The following CEP128 variants were observed in gnomAD, a reference collection of about 807,000 sequenced individuals.
The protein encoded by CEP128 is centrosomal protein 128, also known as centrosomal protein 128kDa.
In CEP128, 132 loss-of-function variants were observed where a neutral mutation model predicts 156.7. The observed-to-expected ratio is 0.84, with a 90% CI of 0.73 to 0.97. The LOEUF (loss-of-function observed/expected upper bound fraction) is 0.97. Among genes scored for constraint, CEP128 ranks in the 50% least tolerant of loss-of-function variants. The probability of loss-of-function intolerance (pLI) is 0.00; values close to 1 mark genes in which losing one functional copy is unlikely to be tolerated. For synonymous variants in CEP128, 469 were observed against 448.9 expected, an observed-to-expected ratio of 1.04 and a Z score of -0.57; for missense variants, 1,252 against 1,281.9, an observed-to-expected ratio of 0.98 and a Z score of 0.36.
intron 24 of CEP128, among the ~76,000 whole-genome samples, chr14:80,503,119 A>T (rs555890191): frequency 1.3e-5 from 2 of 152,278 alleles, no homozygotes; most frequent in South Asian, 2.1e-4. Context: ...AAATAGTAAA[A>T]CAAGACTATG....
At chr14:80,844,351 T>TA in intron 9 of CEP128, among the ~76,000 whole-genome samples, 1 of 151,784 alleles carries the variant, frequency 6.6e-6, no homozygotes, top group Non-Finnish European at 1.5e-5. Flanking sequence ...ACTTAAAAAA[T>TA]AAAAAATAAA....
At chr14:80,943,392 G>A (rs1486442979), upstream of CEP128, among the ~76,000 whole-genome samples, 3 of 152,180 alleles carry the variant, frequency 2.0e-5, no homozygotes, top group Non-Finnish European at 4.4e-5. Flanking sequence ...TCAACTGCAG[G>A]AGAAATGTCT....
At chr14:80,549,104 A>G (rs1188189266) in intron 21 of CEP128, among the ~76,000 whole-genome samples, 3 of 152,198 alleles carry the variant, frequency 2.0e-5, no homozygotes, top group Non-Finnish European at 4.4e-5. Flanking sequence ...AACATAGAAT[A>G]CAGGCTGTGT....
chr14:80,580,900 GAAT>G lies in CEP128; in HGVS notation c.2807-480_2807-478del, dbSNP rs1157710000. ...TTTATAACCAAATTAAAACACCCTG[GAAT>G]AATAGGTGTTATTAACTGGAAGTGG... On this transcript the variant is annotated intron_variant, in intron 19 of 24. Coordinates refer to ENST00000555265, the MANE Select transcript of CEP128 (RefSeq NM_152446.5). Among the ~76,000 whole-genome samples, 3 of 152,044 alleles carry G rather than the reference GAAT, an allele frequency of 2.0e-5. No homozygotes were observed. The East Asian group carries it at 5.8e-4, about 29-fold the overall frequency.
At chr14:80,811,444 G>T (rs1039836292) in intron 13 of CEP128, among the ~76,000 whole-genome samples, 2 of 149,374 alleles carry the variant, frequency 1.3e-5, no homozygotes, top group Non-Finnish European at 2.9e-5. Context: ...CTTAGTTTTT[G>T]ATTTTTGTTT....
Position 80,836,289 on chromosome 14 carries a change from C to T in CEP128, c.973G>A (p.Gly325Ser), listed in dbSNP as rs758529083. ...QLTKAEGDRKGLQHQVSQISK... is the reference protein window; with the variant it reads ...QLTKAEGDRKSLQHQVSQISK... ...ATCTGAGATACTTGATGCTGTAAAC[C>T]CTTTCGATCACCTTCTGCTTTCGTA... Residue 325 changes from glycine to serine, a missense_variant, in exon 12 of 25, where the codon GGT (glycine) becomes AGT (serine). By Grantham distance (56) the Gly-to-Ser change is moderately conservative (BLOSUM62 0). Coordinates refer to ENST00000555265, the MANE Select transcript of CEP128 (RefSeq NM_152446.5). 6 of 1,613,816 alleles carry T rather than the reference C, an allele frequency of 3.7e-6. No homozygotes were observed. The African/African-American group carries it at 8.0e-5, about 22-fold the overall frequency.
At chr14:80,617,219 CTTTTTTTTTT>C (rs3069115) in intron 19 of CEP128, among the ~76,000 whole-genome samples, 12 of 60,226 alleles carry the variant, frequency 2.0e-4, no homozygotes, top group African/African-American at 3.2e-4. Flanking sequence ...TGAATATCAT[CTTTTTTTTTT>C]TTTTTTTTTT....
At chr14:80,689,233 G>A (rs1242875482) in intron 19 of CEP128, among the ~76,000 whole-genome samples, 1 of 149,080 alleles carries the variant, frequency 6.7e-6, no homozygotes, top group Non-Finnish European at 1.5e-5. Flanking sequence ...AGAGGTTGCA[G>A]GGAGCTGAGA....
chr14:80,642,225 G>C (rs1894445815), intron 19 of CEP128, among the ~76,000 whole-genome samples: 2 of 152,128 alleles, frequency 1.3e-5, no homozygotes, highest in African/African-American at 4.8e-5. Flanking sequence ...AAAGATGGAG[G>C]AGACACGTAG....
intron 19 of CEP128, among the ~76,000 whole-genome samples, chr14:80,643,637 G>A (rs540299775): frequency 1.3e-5 from 2 of 152,140 alleles, no homozygotes; most frequent in East Asian, 1.9e-4. Context: ...TTGAACCTGG[G>A]AAGCGAAGGT....
chr14:80,542,299 C>T (rs1161371667), intron 21 of CEP128, among the ~76,000 whole-genome samples: 1 of 152,104 alleles, frequency 6.6e-6, no homozygotes, highest in Admixed American at 6.5e-5. Context: ...GAATACATTT[C>T]AATTTTATTA....
chr14:80,538,144 A>G (rs1487906000), intron 21 of CEP128, among the ~76,000 whole-genome samples: 5 of 149,082 alleles, frequency 3.4e-5, no homozygotes, highest in Non-Finnish European at 6.0e-5. Flanking sequence ...CTTTTCAAAC[A>G]GCAGATTTTT....
At chr14:80,706,110 C>G (rs1043128696) in intron 19 of CEP128, among the ~76,000 whole-genome samples, 4 of 152,020 alleles carry the variant, frequency 2.6e-5, no homozygotes, top group African/African-American at 9.7e-5. Flanking sequence ...TGTTCACTTA[C>G]TTATTAGTTG....
At chr14:80,722,451 C>T (rs1402492481) in intron 19 of CEP128, among the ~76,000 whole-genome samples, 1 of 151,896 alleles carries the variant, frequency 6.6e-6, no homozygotes, top group Admixed American at 6.6e-5. Context: ...GTGTAAAATC[C>T]ATACACATAT....
At chr14:80,822,908 T>C in intron 13 of CEP128, 1 of 523,910 alleles carries the variant, frequency 1.9e-6, no homozygotes. Flanking sequence ...TTAAGCTATG[T>C]TGTTAGCACA....
At chr14:80,801,919 A>C (rs1399252964) in intron 13 of CEP128, among the ~76,000 whole-genome samples, 9 of 144,844 alleles carry the variant, frequency 6.2e-5, no homozygotes, top group African/African-American at 1.9e-4. Flanking sequence ...CCAAAAAAAA[A>C]AAAAAAAAAA....
intron 21 of CEP128, among the ~76,000 whole-genome samples, chr14:80,549,877 AC>A (rs769752208): frequency 2.6e-5 from 4 of 152,098 alleles, no homozygotes; most frequent in Non-Finnish European, 4.4e-5. Context: ...ACAAATAAAA[AC>A]CCCAACAGCA....
chr14:80,729,122 T>A (rs1057122713), intron 19 of CEP128, among the ~76,000 whole-genome samples: 2 of 103,914 alleles, frequency 1.9e-5, no homozygotes, highest in African/African-American at 5.7e-5. Flanking sequence ...TGTGTGTGTG[T>A]GTGTGTTTAC....
intron 21 of CEP128, among the ~76,000 whole-genome samples, chr14:80,555,250 T>G (rs949788266): frequency 2.6e-5 from 4 of 152,166 alleles, no homozygotes; most frequent in Non-Finnish European, 4.4e-5. Flanking sequence ...GGCCTAGTTT[T>G]TGCCTAGCAC....
Sources: gnomAD v4.1 joint callset for allele counts (sites outside exome capture counted in the v4.1 genomes callset) on GRCh38, gnomAD v4.1.1 for gene constraint, MANE v1.5 for transcripts, NCBI Gene and HGNC (gene_info 2026-07-23, HGNC 2026-07-21) for gene names.